The following BANP variants were observed in gnomAD, a reference collection of about 807,000 sequenced individuals.
BANP encodes BTG3 associated nuclear protein.
BANP carries 11 observed loss-of-function variants against 68.1 expected under a neutral mutation model. That is an observed-to-expected ratio of 0.16 (90% CI 0.10 to 0.27). BANP has a LOEUF of 0.27. Among genes scored for constraint, BANP ranks in the 10% least tolerant of loss-of-function variants. The pLI is 1.00. For missense variants in BANP, 504 were observed against 722.7 expected (o/e 0.70, Z 3.47); for synonymous variants, 329 against 303.2 (o/e 1.09, Z -0.88).
chr16:87,951,560 C>G (rs1247847022), intron 1 of BANP, 45 bp downstream of exon 1: 2 of 152,622 alleles, frequency 1.3e-5, no homozygotes, highest in Non-Finnish European at 3.0e-5. Flanking sequence ...CCTCCCCCTT[C>G]CCGCGGGGCG....
At chr16:88,045,252 G>C (rs1367521837) in intron 11 of BANP, among the ~76,000 whole-genome samples, 1 of 152,204 alleles carries the variant, frequency 6.6e-6, no homozygotes, top group Non-Finnish European at 1.5e-5. Flanking sequence ...CAGGTTTTTG[G>C]CATGGCTGGC....
intron 11 of BANP, among the ~76,000 whole-genome samples, chr16:88,045,664 A>G (rs1414565194): frequency 6.6e-6 from 1 of 151,536 alleles, no homozygotes; most frequent in Non-Finnish European, 1.5e-5. Context: ...GGAGAATTGG[A>G]GGTGTGGTGC....
intron 8 of BANP, among the ~76,000 whole-genome samples, chr16:88,032,346 C>T (rs558140235): frequency 9.6e-4 from 145 of 151,810 alleles, no homozygotes; most frequent in Non-Finnish European, 1.5e-3. Flanking sequence ...GGATTACAGA[C>T]CCCCACCACC....
At chr16:87,959,414 A>G (rs1247206915) in intron 1 of BANP, among the ~76,000 whole-genome samples, 1 of 152,160 alleles carries the variant, frequency 6.6e-6, no homozygotes, top group Non-Finnish European at 1.5e-5. Flanking sequence ...TTGCCCTGGG[A>G]AGGAATAAGA....
intron 11 of BANP, among the ~76,000 whole-genome samples, chr16:88,040,626 G>C (rs1337213569): frequency 6.6e-6 from 1 of 152,224 alleles, no homozygotes; most frequent in Admixed American, 6.5e-5. Flanking sequence ...GATAGTGCAT[G>C]CAGGTCTAGG....
chr16:87,990,408 C>G (rs2065613599), intron 4 of BANP, among the ~76,000 whole-genome samples: 1 of 152,098 alleles, frequency 6.6e-6, no homozygotes. Flanking sequence ...GACTGTTGAC[C>G]CGTGGATAAT....
At chr16:87,955,884 C>G (rs2057948485) in intron 1 of BANP, among the ~76,000 whole-genome samples, 1 of 152,184 alleles carries the variant, frequency 6.6e-6, no homozygotes, top group Admixed American at 6.5e-5. Flanking sequence ...GGATGCTCAC[C>G]ACAGTCCTGG....
At chr16:87,978,764 C>A in intron 2 of BANP, 2 of 424,854 alleles carry the variant, frequency 4.7e-6, no homozygotes, top group African/African-American at 2.0e-5. Flanking sequence ...ATAATCAAAA[C>A]AGTCTCAGCC....
intron 1 of BANP, among the ~76,000 whole-genome samples, chr16:87,974,696 G>C (rs537489025): frequency 1.3e-5 from 2 of 152,104 alleles, no homozygotes; most frequent in Non-Finnish European, 2.9e-5. Context: ...GCGACAGAGC[G>C]TTTGCTGTAG....
chr16:87,981,630 A>G (rs953636443), intron 3 of BANP, among the ~76,000 whole-genome samples: 2 of 152,364 alleles, frequency 1.3e-5, no homozygotes, highest in East Asian at 1.9e-4. Flanking sequence ...GCAGCCCGCT[A>G]CAGAAGAGTG....
intron 8 of BANP, among the ~76,000 whole-genome samples, chr16:88,029,331 C>T (rs1002866330): frequency 7.2e-6 from 1 of 139,410 alleles, no homozygotes; most frequent in African/African-American, 2.6e-5. Context: ...AAAAAAAAGC[C>T]GGGTGCTGTG....
At chr16:88,073,299 G>A (rs143875206) in intron 13 of BANP, among the ~76,000 whole-genome samples, 1 of 152,204 alleles carries the variant, frequency 6.6e-6, no homozygotes, top group South Asian at 2.1e-4. Context: ...GGGCAGCTGC[G>A]GGCCCAGAGT....
rs1396434054 is a variant in BANP at position 88,071,990 on chromosome 16, C to T, written c.1378-79C>T. On this transcript the variant is annotated intron_variant, in intron 12 of 13. Coordinates refer to ENST00000682872, the MANE Select transcript of BANP (RefSeq NM_001386991.1). The surrounding 1 kb of genome is among the most constrained non-coding windows in gnomAD (Gnocchi z 6.5). The stretch of plus-strand genomic sequence containing the variant: ...GACAGCACGTGTGGGCTGGGGTCTG[C>T]GGTCTGTGGAGCCATGTGGGTTGTG... 7 of 1,522,438 alleles carry T rather than the reference C, an allele frequency of 4.6e-6. No homozygotes were observed. Among genetic ancestry groups the T allele is most frequent in the African/African-American group, 1.4e-5 (1 of 72,782 alleles). 94.3% of individuals were successfully genotyped at this position (1,522,438 alleles called of 1,614,324 possible).
intron 11 of BANP, among the ~76,000 whole-genome samples, chr16:88,044,939 G>A (rs1202645556): frequency 6.6e-6 from 1 of 151,790 alleles, no homozygotes; most frequent in African/African-American, 2.4e-5. Flanking sequence ...CTGAGATCGC[G>A]CCACTGCACT....
At chr16:88,039,904 C>A (rs2080315980) in intron 11 of BANP, among the ~76,000 whole-genome samples, 1 of 152,182 alleles carries the variant, frequency 6.6e-6, no homozygotes, top group South Asian at 2.1e-4. Context: ...CCCTCTGAGT[C>A]CCCACTCTCT....
intron 11 of BANP, among the ~76,000 whole-genome samples, chr16:88,040,071 A>C (rs2080368070): frequency 6.6e-6 from 1 of 152,154 alleles, no homozygotes; most frequent in Admixed American, 6.5e-5. Context: ...CCTCAAATCA[A>C]AGACGGCTTC....
At chr16:87,950,510 C>T (rs1368008686), upstream of BANP, 2 of 152,098 alleles carry the variant, frequency 1.3e-5, no homozygotes, top group East Asian at 1.9e-4. Flanking sequence ...TCTCGGCTCA[C>T]TGCAACCTCT....
Position 88,004,631 on chromosome 16 carries a change from G to A in BANP, c.479+220G>A, listed in dbSNP as rs979391983. Reference sequence around the variant, plus strand: ...AGCCACACCAGGGGCAGCTGCCGCCGGGGACTTCTGTGTCTCGTGCTGGCC... The same window carrying A: ...AGCCACACCAGGGGCAGCTGCCGCCAGGGACTTCTGTGTCTCGTGCTGGCC... On this transcript the variant is annotated intron_variant, in intron 5 of 13. Transcript: ENST00000682872. The surrounding 1 kb of genome is among the most constrained non-coding windows in gnomAD (Gnocchi z 7.0). Among the ~76,000 whole-genome samples, 3 of 152,244 alleles carry A rather than the reference G, an allele frequency of 2.0e-5. No homozygotes were observed. Among genetic ancestry groups the A allele is most frequent in the South Asian group, 2.1e-4 (1 of 4,820 alleles).
At position 88,004,304 on chromosome 16, in the gene BANP, C is replaced by G. The variant is rs2070328373; in HGVS notation, c.372C>G (p.Pro124=). Residue 124 remains proline, a synonymous_variant, in exon 5 of 14, where the codon CCC becomes CCG. Transcript: ENST00000682872. This position sits in a 1 kb window ranked among gnomAD's most constrained non-coding sequence, Gnocchi z 7.0. ...TTCTTTTGTTCCCTAGCGTCGTCCC[C>G]CAGACTACAGTAATACTCAACAATG... The part of the protein sequence containing the change: ...QTCNKVRCVV[P]QTTVILNNDR... 1.9e-6 allele frequency: 3 copies of G among 1,543,540 alleles called. No individual in the cohort carries two copies. The highest frequency in any genetic ancestry group is 2.6e-6 in the Non-Finnish European group (3 of 1,140,264).
Sources: allele counts gnomAD v4.1 joint callset (sites outside exome capture counted in the v4.1 genomes callset), GRCh38; gene constraint gnomAD v4.1.1; non-coding constraint Gnocchi (gnomAD v3.1); transcripts MANE v1.5; gene names NCBI Gene and HGNC (gene_info 2026-07-23, HGNC 2026-07-21).